CCSER1: variants seen among roughly 807,000 people sequenced by gnomAD.
The protein encoded by CCSER1 is coiled-coil serine rich protein 1.
A neutral mutation model predicts 82.0 loss-of-function variants in CCSER1; 41 were observed. The observed-to-expected ratio is 0.50, with a 90% CI of 0.39 to 0.65. The LOEUF (loss-of-function observed/expected upper bound fraction) is 0.65. CCSER1 is among the 30% of genes least tolerant of loss of function. The pLI, the probability that CCSER1 is intolerant of heterozygous loss-of-function variation, is 0.00. For synonymous variants in CCSER1, 414 were observed against 383.9 expected, an observed-to-expected ratio of 1.08 and a Z score of -0.92; for missense variants, 1,119 against 1,064.2, an observed-to-expected ratio of 1.05 and a Z score of -0.72.
chr4:91,444,855 A>T (rs943972136), intron 10 of CCSER1, among the ~76,000 whole-genome samples: 1 of 152,192 alleles, frequency 6.6e-6, no homozygotes, highest in African/African-American at 2.4e-5. Context: ...AATCAGTAGT[A>T]GCTCTCAATT....
intron 8 of CCSER1, among the ~76,000 whole-genome samples, chr4:90,871,591 T>C (rs1246887144): frequency 6.6e-6 from 1 of 151,902 alleles, no homozygotes; most frequent in Non-Finnish European, 1.5e-5. Context: ...ACATGCAGTC[T>C]ATCATTGAGA....
chr4:91,135,573 T>G (rs972180956), intron 10 of CCSER1, among the ~76,000 whole-genome samples: 1 of 152,204 alleles, frequency 6.6e-6, no homozygotes, highest in Non-Finnish European at 1.5e-5. Flanking sequence ...TTCACACAAA[T>G]TTTTAGGGGT....
At chr4:90,387,095 A>G (rs915806506) in intron 3 of CCSER1, among the ~76,000 whole-genome samples, 3 of 152,192 alleles carry the variant, frequency 2.0e-5, no homozygotes, top group African/African-American at 4.8e-5. Flanking sequence ...TATGAGTTCA[A>G]TATGGAAGAT....
chr4:90,149,364 G>A (rs1402878263), intron 1 of CCSER1, among the ~76,000 whole-genome samples: 1 of 151,940 alleles, frequency 6.6e-6, no homozygotes, highest in Non-Finnish European at 1.5e-5. Flanking sequence ...TTTTATTGTT[G>A]CTGTTTTCAG....
chr4:90,691,471 CAT>C (rs141642285), intron 6 of CCSER1, among the ~76,000 whole-genome samples: 32,474 of 151,532 alleles, frequency 0.21, 3,726 homozygotes, highest in South Asian at 0.27. Flanking sequence ...TATATACACA[CAT>C]GTATTATATA....
chr4:90,819,767 T>G (rs75929228), intron 8 of CCSER1, among the ~76,000 whole-genome samples: 29,551 of 152,164 alleles, frequency 0.19, 3,544 homozygotes, highest in South Asian at 0.29. Context: ...AAGTCAAGAC[T>G]TATTATCCCT....
At chr4:90,826,215 G>T (rs1318640340) in intron 8 of CCSER1, among the ~76,000 whole-genome samples, 1 of 152,170 alleles carries the variant, frequency 6.6e-6, no homozygotes, top group East Asian at 1.9e-4. Flanking sequence ...TGAGTTTGGT[G>T]ACGTGGAATC....
At chr4:90,784,914 A>T (rs1754268039) in intron 7 of CCSER1, among the ~76,000 whole-genome samples, 1 of 152,230 alleles carries the variant, frequency 6.6e-6, no homozygotes, top group Non-Finnish European at 1.5e-5. Flanking sequence ...ATTAAGTGGA[A>T]GTAGATTATC....
chr4:90,307,569 A>G (rs1734535886), intron 1 of CCSER1, among the ~76,000 whole-genome samples: 2 of 151,878 alleles, frequency 1.3e-5, no homozygotes, highest in Admixed American at 6.6e-5. Context: ...TAATGGGTGC[A>G]GCACACCAAC....
chr4:90,905,005 A>G (rs537663276), intron 8 of CCSER1, among the ~76,000 whole-genome samples: 1 of 152,214 alleles, frequency 6.6e-6, no homozygotes, highest in African/African-American at 2.4e-5. Flanking sequence ...TCAGAACAGA[A>G]ACTTGGGAGT....
intron 6 of CCSER1, among the ~76,000 whole-genome samples, chr4:90,705,339 A>G (rs989274343): frequency 6.6e-6 from 1 of 152,186 alleles, no homozygotes; most frequent in African/African-American, 2.4e-5. Context: ...TGGAAGCTTC[A>G]TCTCAGAGAG....
chr4:90,300,797 G>C (rs1423960630), intron 1 of CCSER1, among the ~76,000 whole-genome samples: 3 of 152,094 alleles, frequency 2.0e-5, no homozygotes, highest in Admixed American at 6.6e-5. Flanking sequence ...TATGCTGTTG[G>C]TTAATGTATG....
At chr4:90,185,941 C>T (rs868593941) in intron 1 of CCSER1, among the ~76,000 whole-genome samples, 4 of 151,936 alleles carry the variant, frequency 2.6e-5, no homozygotes, top group Admixed American at 6.6e-5. Flanking sequence ...GTGTTCAGTG[C>T]GTTCACTGAA....
At chr4:90,611,299 G>T (rs1284857040) in intron 5 of CCSER1, among the ~76,000 whole-genome samples, 1 of 151,888 alleles carries the variant, frequency 6.6e-6, no homozygotes, top group East Asian at 1.9e-4. Context: ...TGGGCTATTT[G>T]GTTGCAAACA....
rs141475188 is a variant in CCSER1, at chr4:90,906,337, TG to T, written c.2095-17032del. On this transcript the variant is annotated intron_variant, in intron 8 of 10. Transcript: ENST00000509176. Reference sequence around the variant, plus strand: ...TGGTCTGTGTATACAGTTTGTCTGGTGAAGTTTGATTCATGACATCAATTGT... The same window carrying T: ...TGGTCTGTGTATACAGTTTGTCTGGTAAGTTTGATTCATGACATCAATTGT... 4.0e-3 allele frequency among the ~76,000 whole-genome samples: 610 copies of T among 152,270 alleles called. 5 individuals carry two copies. Among genetic ancestry groups the T allele is most frequent in the African/African-American group, 0.014 (577 of 41,558 alleles).
chr4:91,149,239 T>C (rs1279804318), intron 10 of CCSER1, among the ~76,000 whole-genome samples: 1 of 152,248 alleles, frequency 6.6e-6, no homozygotes, highest in Admixed American at 6.5e-5. Flanking sequence ...CCAGTGATGA[T>C]GAGCATTTGT....
chr4:90,693,944 G>A (rs1295850883), intron 6 of CCSER1, among the ~76,000 whole-genome samples: 1 of 151,558 alleles, frequency 6.6e-6, no homozygotes, highest in African/African-American at 2.4e-5. Context: ...GAAGAAGTGG[G>A]GAGGAAAAAT....
chr4:91,029,786 A>AAT (rs916538097), intron 9 of CCSER1, among the ~76,000 whole-genome samples: 7 of 152,012 alleles, frequency 4.6e-5, no homozygotes, highest in South Asian at 4.1e-4. Flanking sequence ...TAAATCAATT[A>AAT]ATATATATAT....
chr4:90,839,081 A>C (rs1223959983), intron 8 of CCSER1: 1 of 1,556,158 alleles, frequency 6.4e-7, no homozygotes, highest in Admixed American at 1.7e-5. Context: ...GTACGAGCGA[A>C]GTCTGGTCTG....
Sources: gnomAD v4.1 joint callset for allele counts (sites outside exome capture counted in the v4.1 genomes callset) on GRCh38, gnomAD v4.1.1 for gene constraint, MANE v1.5 for transcripts, NCBI Gene and HGNC (gene_info 2026-07-23, HGNC 2026-07-21) for gene names.